CREB5: variants seen among roughly 807,000 people sequenced by gnomAD.
CREB5 encodes the protein cyclic AMP-responsive element-binding protein 5.
Under a neutral mutation model 57.1 loss-of-function variants are expected in CREB5, and 19 were observed. That is an observed-to-expected ratio of 0.33 (90% confidence interval 0.23 to 0.49). The LOEUF is 0.49. CREB5 is among the 20% of genes least tolerant of loss of function. The pLI, the probability that CREB5 is intolerant of heterozygous loss-of-function variation, is 0.99. For missense variants in CREB5, 579 were observed against 671.6 expected, an observed-to-expected ratio of 0.86 and a Z score of 1.52; for synonymous variants, 238 against 238.3, an observed-to-expected ratio of 1.00 and a Z score of 0.01.
intron 1 of CREB5, among the ~76,000 whole-genome samples, chr7:28,346,655 TA>T (rs1378504407): frequency 1.3e-5 from 2 of 152,222 alleles, no homozygotes; most frequent in African/African-American, 4.8e-5. Context: ...CCTATATTGA[TA>T]AGTCTGGATG....
At chr7:28,740,141 A>G (rs1254424725) in intron 7 of CREB5, among the ~76,000 whole-genome samples, 1 of 152,218 alleles carries the variant, frequency 6.6e-6, no homozygotes, top group Non-Finnish European at 1.5e-5. Context: ...ATGTGAAAGC[A>G]GCTTTTATGC....
chr7:28,449,463 A>G (rs1789678277), intron 1 of CREB5, among the ~76,000 whole-genome samples: 1 of 152,150 alleles, frequency 6.6e-6, no homozygotes, highest in Non-Finnish European at 1.5e-5. Flanking sequence ...TTTGCGTAAG[A>G]TGGAGTTCTA....
intron 1 of CREB5, among the ~76,000 whole-genome samples, chr7:28,397,658 T>G (rs1478538975): frequency 6.6e-6 from 1 of 152,224 alleles, no homozygotes; most frequent in Non-Finnish European, 1.5e-5. Context: ...ACATGAAATC[T>G]GACAAATGGA....
chr7:28,625,780 T>C (rs1182984523), intron 5 of CREB5, among the ~76,000 whole-genome samples: 1 of 152,240 alleles, frequency 6.6e-6, no homozygotes, highest in African/African-American at 2.4e-5. Context: ...TATCAGACTT[T>C]AAGAGGAGTA....
intron 5 of CREB5, among the ~76,000 whole-genome samples, chr7:28,614,202 G>C (rs1049201173): frequency 2.0e-5 from 3 of 152,174 alleles, no homozygotes; most frequent in African/African-American, 7.2e-5. Context: ...CAAGCGATCT[G>C]TCCTTCTCGG....
intron 5 of CREB5, among the ~76,000 whole-genome samples, chr7:28,714,671 C>T (rs1338540854): frequency 6.6e-6 from 1 of 152,190 alleles, no homozygotes; most frequent in Non-Finnish European, 1.5e-5. Flanking sequence ...GTCTGTCATC[C>T]TTGACATTTT....
At chr7:28,367,671 G>A (rs1786615780) in intron 1 of CREB5, among the ~76,000 whole-genome samples, 1 of 152,158 alleles carries the variant, frequency 6.6e-6, no homozygotes, top group Admixed American at 6.5e-5. Context: ...AGCCAGGCGT[G>A]GCAGCGCATG....
At chr7:28,310,353 G>T (rs1785254659) in intron 1 of CREB5, among the ~76,000 whole-genome samples, 1 of 152,196 alleles carries the variant, frequency 6.6e-6, no homozygotes, top group African/African-American at 2.4e-5. Flanking sequence ...AGATTAGAAA[G>T]CAACATTCTT....
intron 7 of CREB5, among the ~76,000 whole-genome samples, chr7:28,789,145 G>T (rs897163991): frequency 1.3e-5 from 2 of 152,174 alleles, no homozygotes; most frequent in African/African-American, 4.8e-5. Context: ...AGAATACACA[G>T]AAACCACCTG....
rs948859891 is a variant in CREB5, at chr7:28,541,659, C to T, written c.292-28706C>T. Among the ~76,000 whole-genome samples, 24 of 151,984 alleles carry T rather than the reference C, an allele frequency of 1.6e-4. 1 individual carries two copies. The highest frequency in any genetic ancestry group is 1.2e-3 in the Admixed American group (19 of 15,260). On this transcript the variant is annotated intron_variant, in intron 4 of 10. Coordinates refer to ENST00000357727, the MANE Select transcript of CREB5 (RefSeq NM_182898.4). Reference sequence around the variant, plus strand: ...CCAGCAACAGAGTAAAACCCCATCACAAAAAACAAACAAACAAACAACAAC... The same window carrying T: ...CCAGCAACAGAGTAAAACCCCATCATAAAAAACAAACAAACAAACAACAAC...
chr7:28,596,916 C>T (rs949137338), intron 5 of CREB5, among the ~76,000 whole-genome samples: 1 of 152,060 alleles, frequency 6.6e-6, no homozygotes, highest in African/African-American at 2.4e-5. Flanking sequence ...GTCATGTGAA[C>T]CTTAGGGCCA....
At chr7:28,501,481 G>A (rs903163326) in intron 3 of CREB5, among the ~76,000 whole-genome samples, 1 of 152,168 alleles carries the variant, frequency 6.6e-6, no homozygotes, top group African/African-American at 2.4e-5. Flanking sequence ...GAATCCTTTG[G>A]AGGCCTTGCT....
chr7:28,633,874 A>G (rs1451712772), intron 5 of CREB5, among the ~76,000 whole-genome samples: 1 of 152,236 alleles, frequency 6.6e-6, no homozygotes, highest in Non-Finnish European at 1.5e-5. Flanking sequence ...ATTGGGCAGC[A>G]CAGAATTCAT....
Position 28,468,141 on chromosome 7 carries a change from C to T in CREB5, c.4-20034C>T, listed in dbSNP as rs142487075. Among the ~76,000 whole-genome samples the T allele has an allele frequency of 1.5e-4, 23 of 152,234 alleles. No individual in the cohort carries two copies. The East Asian group carries it at 3.9e-3, about 26-fold the overall frequency. ...ACTGGAATAGGAATGAGCCTGTGAA[C>T]GGCTGTGGCAGACAAGCCGTGGGTA... On this transcript the variant is annotated intron_variant, in intron 1 of 10. Transcript: ENST00000357727.
At chr7:28,307,796 G>A (rs1445813827) in intron 1 of CREB5, among the ~76,000 whole-genome samples, 2 of 152,236 alleles carry the variant, frequency 1.3e-5, no homozygotes, top group Non-Finnish European at 2.9e-5. Flanking sequence ...CCTAGTCTTA[G>A]GGAGCTGGGT....
chr7:28,372,053 A>C (rs1786716995), intron 1 of CREB5, among the ~76,000 whole-genome samples: 1 of 152,146 alleles, frequency 6.6e-6, no homozygotes, highest in Admixed American at 6.5e-5. Flanking sequence ...AACAAAGTCG[A>C]AAATAAAGAT....
At chr7:28,688,513 G>A (rs1344005632) in intron 5 of CREB5, among the ~76,000 whole-genome samples, 1 of 152,154 alleles carries the variant, frequency 6.6e-6, no homozygotes, top group Non-Finnish European at 1.5e-5. Flanking sequence ...GAGATTTAAG[G>A]CTACATTTGA....
chr7:28,807,146 G>A (rs1444966906), intron 8 of CREB5, among the ~76,000 whole-genome samples: 1 of 152,172 alleles, frequency 6.6e-6, no homozygotes, highest in Non-Finnish European at 1.5e-5. Flanking sequence ...CAAACAAACA[G>A]TTCTAGAAAA....
rs1562797068 is a variant in CREB5 at position 28,560,835 on chromosome 7, TGTGTGTGTGCGC to T, written c.292-9520_292-9509del. Among the ~76,000 whole-genome samples the T allele has an allele frequency of 7.9e-4, 47 of 59,818 alleles. 2 individuals are homozygous for T. Among genetic ancestry groups the T allele is most frequent in the Middle Eastern group, 0.01 (1 of 96 alleles). The allele number at this position is 59,818 out of a possible 152,430, so 39.2% of individuals were successfully genotyped here. On this transcript the variant is annotated intron_variant, in intron 4 of 10. Coordinates refer to ENST00000357727, the MANE Select transcript of CREB5 (RefSeq NM_182898.4). Reference sequence around the variant, plus strand: ...GTGTGTGTGTGTGCGCGCGCGCGCGTGTGTGTGTGCGCGTGTGTGTGTGCGTGTGCCTGCGTG... The same window carrying T: ...GTGTGTGTGTGTGCGCGCGCGCGCGTGTGTGTGTGTGCGTGTGCCTGCGTG...
Sources: gnomAD v4.1 joint callset for allele counts (sites outside exome capture counted in the v4.1 genomes callset) on GRCh38, gnomAD v4.1.1 for gene constraint, MANE v1.5 for transcripts, NCBI Gene and HGNC (gene_info 2026-07-23, HGNC 2026-07-21) for gene names.